SNTG1: variants seen among roughly 807,000 people sequenced by gnomAD.
The protein encoded by SNTG1 is syntrophin gamma 1.
A neutral mutation model predicts 74.7 loss-of-function variants in SNTG1; 39 were observed. The observed-to-expected ratio is 0.52, with a 90% CI of 0.40 to 0.68. The LOEUF (loss-of-function observed/expected upper bound fraction) is 0.68. Ranked by LOEUF, SNTG1 falls within the 30% of genes least tolerant of loss-of-function variation. The pLI, the probability that SNTG1 is intolerant of heterozygous loss-of-function variation, is 0.00. For missense variants in SNTG1, 685 were observed against 609.5 expected (o/e 1.12, Z -1.30); for synonymous variants, 254 against 217.1 (o/e 1.17, Z -1.49).
At chr8:49,971,564 G>C (rs570889901) in intron 1 of SNTG1, among the ~76,000 whole-genome samples, 2 of 152,136 alleles carry the variant, frequency 1.3e-5, no homozygotes, top group Non-Finnish European at 2.9e-5. Flanking sequence ...AGGAAAAGAG[G>C]AAGTCAAATT....
chr8:50,363,184 T>G (rs2092010533), intron 2 of SNTG1, among the ~76,000 whole-genome samples: 1 of 152,218 alleles, frequency 6.6e-6, no homozygotes, highest in South Asian at 2.1e-4. Context: ...TAGTCAATCT[T>G]TTACCTAGTC....
chr8:50,068,522 A>G lies in SNTG1; in HGVS notation c.-102-104039A>G, dbSNP rs1041838139. ...CGCTGCGGGAGGTAAAGCTGGGGCC[A>G]CACCCCCACCCCTGCCAGCCAGGAC... On this transcript the variant is annotated intron_variant, in intron 1 of 18. Coordinates refer to ENST00000642720, the MANE Select transcript of SNTG1 (RefSeq NM_018967.5). Among the ~76,000 whole-genome samples the G allele has an allele frequency of 3.3e-5, 5 of 152,180 alleles. No individual in the cohort carries two copies. In the South Asian group the frequency reaches 1.0e-3, roughly 32 times the overall value.
chr8:50,450,467 G>A, intron 6 of SNTG1, 89 bp from the exon 7 acceptor site: 1 of 1,366,232 alleles, frequency 7.3e-7, no homozygotes, highest in Non-Finnish European at 1.0e-6. Context: ...TTTTATATTT[G>A]TAAATTTTAC....
chr8:50,776,390 T>TAA, intron 18 of SNTG1, among the ~76,000 whole-genome samples: 1 of 147,448 alleles, frequency 6.8e-6, no homozygotes, highest in Admixed American at 6.8e-5. Flanking sequence ...TTATTATATT[T>TAA]TACATTTTAT....
At chr8:50,068,150 T>C (rs1821053296) in intron 1 of SNTG1, among the ~76,000 whole-genome samples, 1 of 152,182 alleles carries the variant, frequency 6.6e-6, no homozygotes, top group Non-Finnish European at 1.5e-5. Context: ...CCTTGATCAA[T>C]GATCTACATG....
chr8:50,091,301 C>G (rs1018668631), intron 1 of SNTG1, among the ~76,000 whole-genome samples: 1 of 151,320 alleles, frequency 6.6e-6, no homozygotes, highest in Non-Finnish European at 1.5e-5. Flanking sequence ...AATGTTTGTG[C>G]GTGTGGTAAG....
chr8:50,505,205 A>G (rs893492220), intron 9 of SNTG1, among the ~76,000 whole-genome samples: 3 of 152,186 alleles, frequency 2.0e-5, no homozygotes, highest in African/African-American at 7.2e-5. Flanking sequence ...TTTCATATGC[A>G]TATACCACAT....
chr8:50,390,222 A>G (rs773786170), intron 2 of SNTG1, among the ~76,000 whole-genome samples: 1 of 152,204 alleles, frequency 6.6e-6, no homozygotes, highest in Non-Finnish European at 1.5e-5. Context: ...TTTAGGTCTA[A>G]CATTTAAGTC....
intron 18 of SNTG1, among the ~76,000 whole-genome samples, chr8:50,786,574 C>CG (rs2095675923): frequency 6.6e-6 from 1 of 151,718 alleles, no homozygotes; most frequent in African/African-American, 2.4e-5. Context: ...GGAGAGAACC[C>CG]CCAGTTCCAT....
At chr8:49,973,259 A>G (rs1027384285) in intron 1 of SNTG1, among the ~76,000 whole-genome samples, 8 of 152,010 alleles carry the variant, frequency 5.3e-5, no homozygotes, top group Non-Finnish European at 8.8e-5. Context: ...AAACTATCAC[A>G]AGGACAAAAA....
intron 2 of SNTG1, among the ~76,000 whole-genome samples, chr8:50,264,799 ACAT>A (rs1717855057): frequency 6.6e-6 from 1 of 152,082 alleles, no homozygotes. Flanking sequence ...GAAAAGGAGA[ACAT>A]CATTACTGAG....
chr8:50,698,481 AG>A (rs2095412519), intron 15 of SNTG1, among the ~76,000 whole-genome samples: 2 of 152,060 alleles, frequency 1.3e-5, no homozygotes, highest in Non-Finnish European at 2.9e-5. Flanking sequence ...TGGTGGGGGA[AG>A]GGGGTGAAGT....
At chr8:50,275,751 T>C (rs1214529746) in intron 2 of SNTG1, among the ~76,000 whole-genome samples, 12 of 152,174 alleles carry the variant, frequency 7.9e-5, no homozygotes, top group Non-Finnish European at 1.5e-5. Flanking sequence ...GAAATTTTCC[T>C]GCAAGATATG....
chr8:50,586,601 A>C (rs527596315), intron 12 of SNTG1, among the ~76,000 whole-genome samples: 2 of 152,138 alleles, frequency 1.3e-5, no homozygotes, highest in South Asian at 4.2e-4. Flanking sequence ...AAGGTCATTA[A>C]AAGATTTTAG....
At chr8:49,985,699 T>A (rs145202391) in intron 1 of SNTG1, among the ~76,000 whole-genome samples, 368 of 152,300 alleles carry the variant, frequency 2.4e-3, no homozygotes, top group Non-Finnish European at 4.0e-3. Flanking sequence ...AATTCACTAC[T>A]GCAAATAACT....
At chr8:50,534,291 G>A (rs79321432) in intron 10 of SNTG1, among the ~76,000 whole-genome samples, 8,206 of 152,100 alleles carry the variant, frequency 0.054, 336 homozygotes, top group South Asian at 0.18. Context: ...GTGTGCACTG[G>A]GGTTCTGGGA....
At chr8:50,195,546 C>G (rs1362187553) in intron 2 of SNTG1, among the ~76,000 whole-genome samples, 1 of 152,180 alleles carries the variant, frequency 6.6e-6, no homozygotes, top group African/African-American at 2.4e-5. Flanking sequence ...TCTGGTCACC[C>G]TCCCAATGGA....
chr8:50,400,971 T>C (rs1337484735), intron 3 of SNTG1, among the ~76,000 whole-genome samples: 2 of 152,108 alleles, frequency 1.3e-5, no homozygotes. Context: ...ACAACACATA[T>C]ATTATTAGTG....
intron 12 of SNTG1, among the ~76,000 whole-genome samples, chr8:50,576,265 T>C (rs1580412): frequency 0.86 from 131,504 of 152,170 alleles, 57,017 homozygotes; most frequent in East Asian, 0.94. Flanking sequence ...GGTTTTGGCA[T>C]CTGTGTTAAA....
Sources: gnomAD v4.1 joint callset for allele counts (sites outside exome capture counted in the v4.1 genomes callset) on GRCh38, gnomAD v4.1.1 for gene constraint, MANE v1.5 for transcripts, NCBI Gene and HGNC (gene_info 2026-07-23, HGNC 2026-07-21) for gene names.